HFM1: variants seen among roughly 807,000 people sequenced by gnomAD.
HFM1 encodes the protein probable ATP-dependent DNA helicase HFM1.
A neutral mutation model predicts 192.1 loss-of-function variants in HFM1; 169 were observed. The ratio of observed to expected loss-of-function variants is 0.88; its 90% confidence interval spans 0.78 to 1.00. The LOEUF is 1.00. Among genes scored for constraint, HFM1 ranks in the 50% least tolerant of loss-of-function variants. The probability of loss-of-function intolerance (pLI) is 0.00; values close to 1 mark genes in which losing one functional copy is unlikely to be tolerated. For synonymous variants in HFM1, 525 were observed against 537.8 expected (o/e 0.98, Z 0.33); for missense variants, 1,661 against 1,668.0 (o/e 1.00, Z 0.07).
intron 17 of HFM1, 101 bp from the exon 18 acceptor site, chr1:91,350,972 AT>A: frequency 4.5e-6 from 4 of 884,322 alleles, no homozygotes; most frequent in Non-Finnish European, 6.4e-6. Flanking sequence ...TACTTTACTA[AT>A]TCATGAAATA....
chr1:91,369,627 C>G (rs542115394), intron 13 of HFM1, among the ~76,000 whole-genome samples: 1 of 152,006 alleles, frequency 6.6e-6, no homozygotes, highest in Non-Finnish European at 1.5e-5. Context: ...TAAATGCCCA[C>G]AAGAGAAAGC....
chr1:91,298,243 G>C (rs1570848567), intron 30 of HFM1, among the ~76,000 whole-genome samples: 1 of 152,106 alleles, frequency 6.6e-6, no homozygotes, highest in Non-Finnish European at 1.5e-5. Flanking sequence ...AGAGAAAAAA[G>C]AATAAAAAGA....
intron 20 of HFM1, chr1:91,338,890 C>A: frequency 2.2e-6 from 1 of 455,716 alleles, no homozygotes; most frequent in Non-Finnish European, 4.4e-6. Context: ...GCCACTGCCC[C>A]ATTTAAGTGT....
intron 13 of HFM1, among the ~76,000 whole-genome samples, chr1:91,368,363 A>C (rs373721161): frequency 1.6e-4 from 24 of 152,302 alleles, no homozygotes; most frequent in Admixed American, 8.5e-4. Flanking sequence ...TTGGGTTACC[A>C]ACAAAGGGAA....
chr1:91,336,268 T>C lies in HFM1; in HGVS notation c.2335+7162A>G, dbSNP rs903798548. ...CCTTCCTCCCTTCCTTCCAGAGTTA[T>C]GGGATTCAATTATAAGTTGTCTAAA... On this transcript the variant is annotated intron_variant, in intron 20 of 38. Transcript: ENST00000370425. Among the ~76,000 whole-genome samples, 35 of 144,274 alleles carry C rather than the reference T, an allele frequency of 2.4e-4. 1 individual carries two copies. The highest frequency in any genetic ancestry group is 8.8e-4 in the African/African-American group (35 of 39,846). The allele number at this position is 144,274 out of a possible 152,430, so 94.6% of individuals were successfully genotyped here. A position where few individuals can be genotyped will look rare whatever the true frequency, so the allele number is the denominator to read the frequency against.
chr1:91,264,404 G>A lies in HFM1; in HGVS notation c.3974+1613C>T, dbSNP rs533725920. On this transcript the variant is annotated intron_variant, in intron 36 of 38. Coordinates refer to ENST00000370425, the MANE Select transcript of HFM1 (RefSeq NM_001017975.6). ...TTTTTTTTTTTTGAGACGGAGTCTC[G>A]CTCTGTGGCCCAGGTGGAAGTGCAG... is the stretch of plus-strand genomic sequence containing the variant. Among the ~76,000 whole-genome samples, 4 of 53,292 alleles carry A rather than the reference G, an allele frequency of 7.5e-5. No individual in the cohort carries two copies. The East Asian group carries it at 2.1e-3, about 29-fold the overall frequency. 35.0% of individuals were successfully genotyped at this position (53,292 alleles called of 152,430 possible).
chr1:91,339,986 C>A (rs184428699), intron 20 of HFM1, among the ~76,000 whole-genome samples: 2 of 152,088 alleles, frequency 1.3e-5, no homozygotes, highest in Non-Finnish European at 2.9e-5. Flanking sequence ...AAATCCTACA[C>A]GCCAGAAGAG....
Position 91,380,192 on chromosome 1 carries a change from A to T in HFM1, c.918T>A (p.Gly306=), listed in dbSNP as rs780954800. The T allele has an allele frequency of 6.3e-7, 1 of 1,580,078 alleles. No individual in the cohort carries two copies. The highest frequency in any genetic ancestry group is 2.3e-5 in the East Asian group (1 of 43,676). The part of the protein sequence containing the change: ...DRNFVICAPT[G]SGKTVVFELA... ...GTTCAAACACTACAGTTTTTCCAGA[A>T]CCAGTTGGAGCACAAATCACAAAAT... The change falls in exon 8 of 39, where the codon GGT becomes GGA. Residue 306 remains glycine (G), a synonymous_variant. Transcript: ENST00000370425.
intron 2 of HFM1, among the ~76,000 whole-genome samples, chr1:91,398,143 T>TAATA (rs1187657415): frequency 1.3e-5 from 2 of 152,164 alleles, no homozygotes; most frequent in Non-Finnish European, 2.9e-5. Context: ...GAACAGCAGT[T>TAATA]TAGGTCTGCT....
intron 38 of HFM1, 22 bp downstream of exon 38, chr1:91,262,219 A>G (rs781501756): frequency 1.5e-5 from 17 of 1,128,522 alleles, no homozygotes; most frequent in Non-Finnish European, 1.3e-6. Flanking sequence ...ATAATCTTAA[A>G]GTGTCTTTAA....
intron 4 of HFM1, among the ~76,000 whole-genome samples, chr1:91,390,011 C>A (rs1426744432): frequency 6.6e-6 from 1 of 152,198 alleles, no homozygotes; most frequent in Non-Finnish European, 1.5e-5. Flanking sequence ...CACACAAAAA[C>A]TTGCATGCAT....
At chr1:91,378,975 T>C in intron 9 of HFM1, 88 bp downstream of exon 9, 1 of 718,782 alleles carries the variant, frequency 1.4e-6, no homozygotes. Context: ...TGTTTCTAGT[T>C]TATATTTTTT....
intron 11 of HFM1, among the ~76,000 whole-genome samples, chr1:91,376,043 A>G (rs1660867760): frequency 6.6e-6 from 1 of 151,914 alleles, no homozygotes; most frequent in Non-Finnish European, 1.5e-5. Context: ...CAAATTTCTC[A>G]CTATTATTTT....
chr1:91,368,460 C>T lies in HFM1; in HGVS notation c.1685+6898G>A, dbSNP rs147182913. On this transcript the variant is annotated intron_variant, in intron 13 of 38. Transcript: ENST00000370425. Reference sequence around the variant, plus strand: ...CAAATATTCAACATTCTTAAAGAAACGAATTTTCAACCCAGAATTTCATAT... The same window carrying T: ...CAAATATTCAACATTCTTAAAGAAATGAATTTTCAACCCAGAATTTCATAT... Among the ~76,000 whole-genome samples the T allele has an allele frequency of 9.1e-3, 1,379 of 152,156 alleles. 17 individuals are homozygous for T. Among genetic ancestry groups the T allele is most frequent in the Non-Finnish European group, 0.012 (812 of 67,984 alleles).
intron 30 of HFM1, among the ~76,000 whole-genome samples, chr1:91,308,921 T>C (rs781625329): frequency 6.6e-6 from 1 of 152,198 alleles, no homozygotes; most frequent in Non-Finnish European, 1.5e-5. Flanking sequence ...AAGAATTTAG[T>C]TCCTTTAGTC....
intron 30 of HFM1, among the ~76,000 whole-genome samples, chr1:91,290,860 C>A (rs893859098): frequency 1.2e-4 from 18 of 152,162 alleles, no homozygotes; most frequent in Admixed American, 2.6e-4. Flanking sequence ...TCTCTCAGAC[C>A]ACAGTGCAAT....
intron 30 of HFM1, among the ~76,000 whole-genome samples, chr1:91,287,065 G>A (rs1668063868): frequency 6.6e-6 from 1 of 152,142 alleles, no homozygotes; most frequent in Non-Finnish European, 1.5e-5. Context: ...AAACTGCAAG[G>A]CGGCAGCGAG....
chr1:91,357,356 AC>A (rs1425243302), intron 13 of HFM1, among the ~76,000 whole-genome samples: 1 of 152,236 alleles, frequency 6.6e-6, no homozygotes, highest in African/African-American at 2.4e-5. Context: ...AAAACACAAG[AC>A]CATCTCAATT....
intron 13 of HFM1, among the ~76,000 whole-genome samples, chr1:91,359,649 T>G (rs1432750816): frequency 6.6e-6 from 1 of 150,718 alleles, no homozygotes; most frequent in Admixed American, 6.6e-5. Flanking sequence ...TACAACTGAC[T>G]GGTACCTGAA....
Sources: gnomAD v4.1 joint callset for allele counts (sites outside exome capture counted in the v4.1 genomes callset) on GRCh38, gnomAD v4.1.1 for gene constraint, MANE v1.5 for transcripts, NCBI Gene and HGNC (gene_info 2026-07-23, HGNC 2026-07-21) for gene names.